TEX10: variants seen among roughly 807,000 people sequenced by gnomAD.
The protein encoded by TEX10 is testis expressed 10.
Under a neutral mutation model 104.4 loss-of-function variants are expected in TEX10, and 24 were observed. The observed-to-expected ratio is 0.23, with a 90% confidence interval of 0.17 to 0.32. The LOEUF is 0.32. Among genes scored for constraint, TEX10 ranks in the 10% least tolerant of loss-of-function variants. TEX10 has a pLI of 1.00. For missense variants in TEX10, 921 were observed against 1,083.9 expected (o/e 0.85, Z 2.11); for synonymous variants, 396 against 393.4 (o/e 1.01, Z -0.08).
chr9:100,319,301 T>C (rs550696067), intron 11 of TEX10, among the ~76,000 whole-genome samples: 1 of 152,190 alleles, frequency 6.6e-6, no homozygotes, highest in Non-Finnish European at 1.5e-5. Context: ...TTTCATTAAG[T>C]AGTACTAAAA....
chr9:100,349,087 TTTACTC>T (rs1835374287), intron 2 of TEX10, 91 bp downstream of exon 2: 1 of 1,057,832 alleles, frequency 9.5e-7, no homozygotes, highest in African/African-American at 1.6e-5. Context: ...AGGCAAACTA[TTTACTC>T]TAAGAGTTTA....
At chr9:100,351,059 T>A (rs1383731882) in intron 1 of TEX10, among the ~76,000 whole-genome samples, 1 of 152,044 alleles carries the variant, frequency 6.6e-6, no homozygotes, top group Non-Finnish European at 1.5e-5. Flanking sequence ...AGTCTCAGGA[T>A]CAGGACATAC....
intron 9 of TEX10, among the ~76,000 whole-genome samples, chr9:100,324,463 G>C (rs1026936433): frequency 6.6e-6 from 1 of 152,154 alleles, no homozygotes; most frequent in Non-Finnish European, 1.5e-5. Flanking sequence ...CCTACATAGA[G>C]AGAAGTCTAC....
At chr9:100,312,786 T>G (rs909603461) in intron 11 of TEX10, among the ~76,000 whole-genome samples, 12 of 152,004 alleles carry the variant, frequency 7.9e-5, no homozygotes, top group Admixed American at 7.2e-4. Context: ...CCCTGAGAGA[T>G]AAAAGCAAGC....
At chr9:100,329,816 A>G in intron 6 of TEX10, 115 bp downstream of exon 6, 3 of 900,886 alleles carry the variant, frequency 3.3e-6, no homozygotes, top group East Asian at 4.9e-5. Context: ...TTATGGCTTG[A>G]ATACAATTAG....
chr9:100,330,534 T>A (rs1423003400), intron 5 of TEX10, among the ~76,000 whole-genome samples: 1 of 152,212 alleles, frequency 6.6e-6, no homozygotes, highest in African/African-American at 2.4e-5. Context: ...TCACAGTAGA[T>A]CTTGGCTCTG....
At position 100,314,093 on chromosome 9, in the gene TEX10, T is replaced by C. The variant is rs891069380; in HGVS notation, c.2203-3714A>G. On this transcript the variant is annotated intron_variant, in intron 11 of 14. Transcript: ENST00000374902. ...TTTTGTTCTTTGGAGATTTTTCTTTTTTTTTTTTTTTTGAGACAGAGTCTC... is the reference window on the plus strand; with the variant it reads ...TTTTGTTCTTTGGAGATTTTTCTTTCTTTTTTTTTTTTGAGACAGAGTCTC... Among the ~76,000 whole-genome samples, 5 of 149,558 alleles carry C rather than the reference T, an allele frequency of 3.3e-5. No homozygotes were observed. The South Asian group carries it at 6.3e-4, about 19-fold the overall frequency.
rs1357324239 is a variant in TEX10, at chr9:100,322,666, A to G, written c.1980-895T>C. On this transcript the variant is annotated intron_variant, in intron 9 of 14. Coordinates refer to ENST00000374902, the MANE Select transcript of TEX10 (RefSeq NM_017746.4). ...GAGTTTCTCTTGTTGCCCAGGCTGG[A>G]GTGCAATGGCATGATCTCAGCTCAC... 2.0e-5 allele frequency among the ~76,000 whole-genome samples: 3 copies of G among 152,116 alleles called. No homozygotes were observed. The South Asian group carries it at 6.2e-4, about 32-fold the overall frequency.
intron 1 of TEX10, 149 bp downstream of exon 1, chr9:100,352,623 T>TC (rs1835489306): frequency 6.8e-7 from 1 of 1,466,974 alleles, no homozygotes; most frequent in Non-Finnish European, 9.0e-7. Flanking sequence ...CAGGCCCAGC[T>TC]CGGAGGGACG....
At position 100,347,289 on chromosome 9, in the gene TEX10, A is replaced by T; in HGVS notation, c.298T>A (p.Leu100Ile). 6.2e-7 allele frequency: 1 copy of T among 1,614,176 alleles called. No individual in the cohort carries two copies. Among genetic ancestry groups the T allele is most frequent in the Non-Finnish European group, 8.5e-7 (1 of 1,180,012 alleles). Residue 100 changes from leucine to isoleucine, a missense_variant, in exon 3 of 15, where the codon TTA becomes ATA. Around this residue, in one of 3 missense-constraint regions of TEX10, gnomAD observed 118 missense variants for 111.3 expected, o/e 1.06. Coordinates refer to ENST00000374902, the MANE Select transcript of TEX10 (RefSeq NM_017746.4). Reference protein sequence around the residue: ...FIIDAHLSNILSEVTAVFTDK... With the variant: ...FIIDAHLSNIISEVTAVFTDK... ...GTAAACACAGCAGTCACTTCACTTAATATGTTTGAAAGGTGTGCATCAATT... is the reference window on the plus strand; with the variant it reads ...GTAAACACAGCAGTCACTTCACTTATTATGTTTGAAAGGTGTGCATCAATT...
At chr9:100,307,653 C>G (rs1382827501) in intron 13 of TEX10, 1 of 151,636 alleles carries the variant, frequency 6.6e-6, no homozygotes, top group Admixed American at 6.6e-5. Context: ...TGATCAACAC[C>G]AAGTGATCTG....
At chr9:100,302,935 C>CA (rs1302626920) in intron 14 of TEX10, among the ~76,000 whole-genome samples, 1 of 146,256 alleles carries the variant, frequency 6.8e-6, no homozygotes, top group East Asian at 2.0e-4. Flanking sequence ...ACCGCCCCCC[C>CA]CCCAAACTAA....
At chr9:100,327,364 T>C (rs1834732754) in intron 8 of TEX10, among the ~76,000 whole-genome samples, 1 of 151,970 alleles carries the variant, frequency 6.6e-6, no homozygotes, top group African/African-American at 2.4e-5. Context: ...TATGCATACA[T>C]ACATCCCAGT....
intron 9 of TEX10, among the ~76,000 whole-genome samples, chr9:100,322,533 T>G (rs1331345970): frequency 6.6e-6 from 1 of 152,188 alleles, no homozygotes; most frequent in African/African-American, 2.4e-5. Flanking sequence ...TGAATAAATA[T>G]CAAACAAAAT....
At chr9:100,348,463 C>T (rs1394606069) in intron 2 of TEX10, among the ~76,000 whole-genome samples, 1 of 152,186 alleles carries the variant, frequency 6.6e-6, no homozygotes, top group African/African-American at 2.4e-5. Flanking sequence ...CAACACTTCT[C>T]AAACTTCAAT....
chr9:100,328,305 C>T (rs1834760658), intron 7 of TEX10, among the ~76,000 whole-genome samples: 1 of 152,128 alleles, frequency 6.6e-6, no homozygotes, highest in African/African-American at 2.4e-5. Flanking sequence ...TAGCTTCAAA[C>T]TTGTGCTATT....
At position 100,327,939 on chromosome 9, in the gene TEX10, C is replaced by T. The variant is rs200455764; in HGVS notation, c.1649G>A (p.Arg550His). The change falls in exon 8 of 15, where the codon CGT becomes CAT. Residue 550 changes from arginine to histidine, a missense_variant. Transcript: ENST00000374902. ...TTGCAATGGTAAGCCAGCCAGCCAA[C>T]GGGATAACACTTTACTACGATATCT... The part of the protein sequence containing the change: ...RFRYRSKVLS[R>H]WLAGLPLQLA... The T allele has an allele frequency of 2.8e-5, 44 of 1,584,390 alleles. No individual in the cohort carries two copies. The highest frequency in any genetic ancestry group is 6.7e-5 in the African/African-American group (5 of 74,450).
At chr9:100,330,578 T>C (rs72733370) in intron 5 of TEX10, among the ~76,000 whole-genome samples, 10,621 of 152,260 alleles carry the variant, frequency 0.07, 502 homozygotes, top group Non-Finnish European at 0.1. Flanking sequence ...AAAGAATCAC[T>C]AGTCTTTCCT....
intron 4 of TEX10, among the ~76,000 whole-genome samples, chr9:100,344,909 T>C (rs534645176): frequency 3.9e-5 from 6 of 152,180 alleles, no homozygotes; most frequent in Non-Finnish European, 8.8e-5. Flanking sequence ...CTTTTTCTTT[T>C]TTATAGGACA....
Sources: allele counts gnomAD v4.1 joint callset (sites outside exome capture counted in the v4.1 genomes callset), GRCh38; gene constraint gnomAD v4.1.1; regional missense constraint gnomAD v4.1.1; transcripts MANE v1.5; gene names NCBI Gene and HGNC (gene_info 2026-07-23, HGNC 2026-07-21).